Variants in ZFR observed in about 807,000 individuals in gnomAD.
ZFR encodes the protein zinc finger RNA-binding protein.
ZFR carries 19 observed loss-of-function variants against 130.7 expected under a neutral mutation model. The observed-to-expected ratio is 0.15, with a 90% confidence interval of 0.10 to 0.21. The LOEUF (loss-of-function observed/expected upper bound fraction) is 0.21, where lower values mean the gene tolerates loss of function less well. ZFR is among the 10% of genes least tolerant of loss of function. The probability of loss-of-function intolerance (pLI) is 1.00; values close to 1 mark genes in which losing one functional copy is unlikely to be tolerated. For synonymous variants in ZFR, 466 were observed against 456.9 expected (o/e 1.02, Z -0.25); for missense variants, 872 against 1,321.5 (o/e 0.66, Z 5.27).
intron 15 of ZFR, 47 bp from the exon 16 acceptor site, chr5:32,380,219 AC>A: frequency 6.8e-7 from 1 of 1,464,674 alleles, no homozygotes; most frequent in Non-Finnish European, 9.6e-7. Context: ...TGGGTGTTTG[AC>A]CAGGTGAGCA....
chr5:32,428,975 CTTTTTTTTTTTT>C (rs576959110), intron 2 of ZFR, among the ~76,000 whole-genome samples: 2 of 91,200 alleles, frequency 2.2e-5, no homozygotes, highest in African/African-American at 4.4e-5. Flanking sequence ...CTTCTTACAT[CTTTTTTTTTTTT>C]TTTTTTTTTT....
intron 6 of ZFR, among the ~76,000 whole-genome samples, chr5:32,404,954 C>T (rs897990224): frequency 5.3e-5 from 8 of 152,150 alleles, no homozygotes; most frequent in African/African-American, 1.9e-4. Context: ...GTAGCTGGGA[C>T]CACAGGTGCC....
At chr5:32,412,382 C>A (rs1466432046) in intron 5 of ZFR, among the ~76,000 whole-genome samples, 1 of 152,174 alleles carries the variant, frequency 6.6e-6, no homozygotes, top group Non-Finnish European at 1.5e-5. Flanking sequence ...CTGAACACTT[C>A]AAAAATATCA....
At chr5:32,381,321 G>C (rs1041071243) in intron 15 of ZFR, among the ~76,000 whole-genome samples, 1 of 152,166 alleles carries the variant, frequency 6.6e-6, no homozygotes, top group African/African-American at 2.4e-5. Context: ...TCTGTAAAAT[G>C]TGTATATTAA....
At chr5:32,421,572 C>T (rs1753958500) in intron 2 of ZFR, among the ~76,000 whole-genome samples, 1 of 151,732 alleles carries the variant, frequency 6.6e-6, no homozygotes, top group African/African-American at 2.4e-5. Flanking sequence ...AAGGGGAGGA[C>T]ACCTGGAGAA....
Position 32,364,149 on chromosome 5 carries a change from C to T in ZFR, c.2947+15G>A. ...AAACTTCATTTTACTTCATTAAAAA[C>T]AAAGTAAGAGTTACCTTTAAGAATA... On this transcript the variant is annotated intron_variant, in intron 18 of 19. Coordinates refer to ENST00000265069, the MANE Select transcript of ZFR (RefSeq NM_016107.5). 1 of 1,602,018 alleles carries T rather than the reference C, an allele frequency of 6.2e-7. No homozygotes were observed. Among genetic ancestry groups the T allele is most frequent in the Non-Finnish European group, 8.5e-7 (1 of 1,171,434 alleles).
chr5:32,355,692 A>G lies in ZFR; in HGVS notation c.*68T>C. 1 of 1,382,522 alleles carries G rather than the reference A, an allele frequency of 7.2e-7. No homozygotes were observed. The highest frequency in any genetic ancestry group is 9.8e-7 in the Non-Finnish European group (1 of 1,025,534). The allele number at this position is 1,382,522 out of a possible 1,614,324, so 85.6% of individuals were successfully genotyped here. A position where few individuals can be genotyped will look rare whatever the true frequency, so the allele number is the denominator to read the frequency against. ...TGATAAATTTTTCAATGTAGACATTATTATGAATGAAAAACAGCCAACAAA... is the reference window on the plus strand; with the variant it reads ...TGATAAATTTTTCAATGTAGACATTGTTATGAATGAAAAACAGCCAACAAA... On this transcript the variant is annotated 3_prime_UTR_variant, in exon 20 of 20. Coordinates refer to ENST00000265069, the MANE Select transcript of ZFR (RefSeq NM_016107.5).
intron 2 of ZFR, among the ~76,000 whole-genome samples, chr5:32,438,738 A>G (rs1754397025): frequency 6.9e-6 from 1 of 145,250 alleles, no homozygotes; most frequent in South Asian, 2.1e-4. Context: ...AACTCTCTAT[A>G]TAAATATATG....
chr5:32,388,124 A>C (rs1410048372), intron 13 of ZFR, among the ~76,000 whole-genome samples: 1 of 152,218 alleles, frequency 6.6e-6, no homozygotes, highest in Admixed American at 6.5e-5. Context: ...ATAGTTATTA[A>C]AACAAAGACT....
chr5:32,385,259 G>T (rs1399402971), intron 15 of ZFR, among the ~76,000 whole-genome samples: 3 of 151,714 alleles, frequency 2.0e-5, no homozygotes, highest in African/African-American at 7.3e-5. Flanking sequence ...GAAATCTGAG[G>T]TTAGCAAGAA....
chr5:32,426,904 G>GAAA (rs373216038), intron 2 of ZFR, among the ~76,000 whole-genome samples: 39,356 of 132,582 alleles, frequency 0.3, 7,265 homozygotes, highest in Non-Finnish European at 0.39. Context: ...CACTCTTTCT[G>GAAA]AAAAAAAAAA....
rs752379056 is a variant in ZFR, at chr5:32,419,875, C to T, written c.366G>A (p.Gln122=). 8.7e-6 allele frequency: 14 copies of T among 1,611,450 alleles called. No individual in the cohort carries two copies. Among genetic ancestry groups the T allele is most frequent in the Non-Finnish European group, 1.1e-5 (13 of 1,177,970 alleles). ...AHTATDYGYT[Q]RQQEAPPPPP... ...GTGGTGGTGGTGCTTCTTGTTGCCT[C>T]TGAGTATAACCATAGTCAGTTGCTG... The change falls in exon 3 of 20, where the codon CAG becomes CAA. Residue 122 remains glutamine (Q), a synonymous_variant. Coordinates refer to ENST00000265069, the MANE Select transcript of ZFR (RefSeq NM_016107.5).
intron 17 of ZFR, among the ~76,000 whole-genome samples, chr5:32,374,790 T>A (rs1219853135): frequency 1.3e-5 from 2 of 151,800 alleles, no homozygotes; most frequent in Non-Finnish European, 2.9e-5. Flanking sequence ...AAATATAAAT[T>A]GCCAAAATTA....
chr5:32,400,318 A>G, intron 8 of ZFR, 115 bp from the exon 9 acceptor site: 1 of 694,620 alleles, frequency 1.4e-6, no homozygotes, highest in South Asian at 3.5e-5. Context: ...CTCCTAACTG[A>G]CATACAACAG....
Position 32,424,377 on chromosome 5 carries a change from A to G in ZFR, c.138-4274T>C, listed in dbSNP as rs544205123. On this transcript the variant is annotated intron_variant, in intron 2 of 19. Coordinates refer to ENST00000265069, the MANE Select transcript of ZFR (RefSeq NM_016107.5). ...AAAGCCCGTCTCTATTAAAAATACAAAACATTAGCTGGGCGCAGTGGCGGG... is the reference window on the plus strand; with the variant it reads ...AAAGCCCGTCTCTATTAAAAATACAGAACATTAGCTGGGCGCAGTGGCGGG... 1.8e-3 allele frequency among the ~76,000 whole-genome samples: 271 copies of G among 152,074 alleles called. 1 individual carries two copies. The highest frequency in any genetic ancestry group is 5.9e-3 in the African/African-American group (246 of 41,522).
intron 11 of ZFR, among the ~76,000 whole-genome samples, chr5:32,394,225 C>T (rs577045689): frequency 1.6e-4 from 25 of 152,050 alleles, no homozygotes; most frequent in African/African-American, 5.8e-4. Flanking sequence ...AACTAATGAA[C>T]GAATAAACAA....
intron 2 of ZFR, among the ~76,000 whole-genome samples, chr5:32,429,461 C>T (rs1428928661): frequency 1.3e-5 from 2 of 152,120 alleles, no homozygotes; most frequent in Non-Finnish European, 2.9e-5. Context: ...AGAGAAAATA[C>T]TTTCCTGACA....
chr5:32,444,042 G>A (rs1484174116), intron 2 of ZFR, among the ~76,000 whole-genome samples, 187 bp downstream of exon 2: 1 of 141,148 alleles, frequency 7.1e-6, no homozygotes, highest in South Asian at 2.2e-4. Flanking sequence ...GCCGCGGGCC[G>A]GGCCGGGCCG....
intron 17 of ZFR, among the ~76,000 whole-genome samples, chr5:32,370,014 C>T (rs1752625472): frequency 6.6e-6 from 1 of 151,616 alleles, no homozygotes; most frequent in South Asian, 2.1e-4. Context: ...AATGGAATCA[C>T]ACAACATGTG....
Sources: gnomAD v4.1 joint callset for allele counts (sites outside exome capture counted in the v4.1 genomes callset) on GRCh38, gnomAD v4.1.1 for gene constraint, MANE v1.5 for transcripts, NCBI Gene and HGNC (gene_info 2026-07-23, HGNC 2026-07-21) for gene names.